Variants in BBS9 observed in about 807,000 individuals in gnomAD.
The protein encoded by BBS9 is protein PTHB1.
Under a neutral mutation model 117.7 loss-of-function variants are expected in BBS9, and 89 were observed. That is an observed-to-expected ratio of 0.76 (90% CI 0.64 to 0.90). The LOEUF (loss-of-function observed/expected upper bound fraction) is 0.90. BBS9 is among the 40% of genes least tolerant of loss of function. The probability of loss-of-function intolerance (pLI) is 0.00; values close to 1 mark genes in which losing one functional copy is unlikely to be tolerated. For synonymous variants in BBS9, 379 were observed against 370.9 expected (o/e 1.02, Z -0.25); for missense variants, 982 against 1,042.2 (o/e 0.94, Z 0.80).
intron 21 of BBS9, among the ~76,000 whole-genome samples, chr7:33,557,337 T>C (rs1303077156): frequency 6.6e-6 from 1 of 152,200 alleles, no homozygotes; most frequent in Non-Finnish European, 1.5e-5. Context: ...AGCTAGAAGG[T>C]CATCATCATT....
At chr7:33,194,510 A>AT (rs1784638243) in intron 5 of BBS9, among the ~76,000 whole-genome samples, 1 of 152,070 alleles carries the variant, frequency 6.6e-6, no homozygotes, top group African/African-American at 2.4e-5. Context: ...ACGAAGTTAC[A>AT]TTTTTTAAAG....
chr7:33,171,485 T>C (rs1171117457), intron 4 of BBS9, among the ~76,000 whole-genome samples: 1 of 152,248 alleles, frequency 6.6e-6, no homozygotes, highest in Non-Finnish European at 1.5e-5. Flanking sequence ...TAATTACATA[T>C]ATCAACTAAA....
chr7:33,151,850 CTTTTTT>C (rs11346140), intron 2 of BBS9, among the ~76,000 whole-genome samples: 5 of 82,352 alleles, frequency 6.1e-5, no homozygotes, highest in African/African-American at 9.0e-5. Flanking sequence ...TGCACCCAGC[CTTTTTT>C]TTTTTTTTTT....
intron 9 of BBS9, among the ~76,000 whole-genome samples, chr7:33,326,205 A>G (rs950392011): frequency 6.6e-6 from 1 of 151,720 alleles, no homozygotes; most frequent in Non-Finnish European, 1.5e-5. Context: ...GCCACAAGAC[A>G]ATGTCCTTCC....
At chr7:33,138,670 T>C (rs1428474133) in intron 1 of BBS9, among the ~76,000 whole-genome samples, 1 of 151,072 alleles carries the variant, frequency 6.6e-6, no homozygotes, top group Admixed American at 6.6e-5. Context: ...GGTCTGGCTT[T>C]GTTGTCCAGG....
intron 18 of BBS9, among the ~76,000 whole-genome samples, chr7:33,386,822 G>A (rs1826120587): frequency 6.6e-6 from 1 of 151,942 alleles, no homozygotes; most frequent in Non-Finnish European, 1.5e-5. Context: ...TAATTTAAAT[G>A]AGATGGGTTA....
At chr7:33,264,711 T>G (rs1798526089) in intron 7 of BBS9, among the ~76,000 whole-genome samples, 1 of 152,176 alleles carries the variant, frequency 6.6e-6, no homozygotes, top group Non-Finnish European at 1.5e-5. Context: ...TTGTTTGAAG[T>G]GTCTTTTTTC....
intron 21 of BBS9, among the ~76,000 whole-genome samples, chr7:33,624,503 T>C (rs1865550841): frequency 6.6e-6 from 1 of 152,226 alleles, no homozygotes; most frequent in African/African-American, 2.4e-5. Context: ...TCTCCTCTTT[T>C]ACTTTCTAAT....
At chr7:33,192,016 C>T (rs1414504912) in intron 5 of BBS9, among the ~76,000 whole-genome samples, 4 of 150,974 alleles carry the variant, frequency 2.6e-5, no homozygotes, top group Admixed American at 6.6e-5. Context: ...TATATGTGGA[C>T]AGTAGAATAT....
At chr7:33,254,903 T>C (rs2128308074) in intron 5 of BBS9, among the ~76,000 whole-genome samples, 1 of 152,322 alleles carries the variant, frequency 6.6e-6, no homozygotes, top group South Asian at 2.1e-4. Context: ...ATTTCCCTGA[T>C]AATTAGCAAT....
Position 33,182,086 on chromosome 7 carries a change from C to CAAACAAAACA in BBS9, c.442+4514_442+4523dup, listed in dbSNP as rs147523817. 4.6e-5 allele frequency among the ~76,000 whole-genome samples: 7 copies of CAAACAAAACA among 151,838 alleles called. No individual in the cohort carries two copies. The South Asian group carries it at 1.5e-3, about 32-fold the overall frequency. ...TGGGTGACAGAGCGAGACTCCGTCT[C>CAAACAAAACA]AAACAAAACAAAACAAAACAAAACA... is the stretch of plus-strand genomic sequence containing the variant. On this transcript the variant is annotated intron_variant, in intron 5 of 22. Transcript: ENST00000242067.
At chr7:33,473,938 T>C (rs1841446839) in intron 19 of BBS9, among the ~76,000 whole-genome samples, 1 of 152,244 alleles carries the variant, frequency 6.6e-6, no homozygotes, top group Non-Finnish European at 1.5e-5. Flanking sequence ...TGATGTTGCA[T>C]TGTATACTAC....
At chr7:33,157,816 T>A (rs1794312996) in intron 4 of BBS9, 1 of 151,304 alleles carries the variant, frequency 6.6e-6, no homozygotes, top group Non-Finnish European at 1.5e-5. Flanking sequence ...TGCTAACTTC[T>A]TTTTGGTGGG....
At chr7:33,457,809 A>G (rs1838860760) in intron 19 of BBS9, among the ~76,000 whole-genome samples, 1 of 152,206 alleles carries the variant, frequency 6.6e-6, no homozygotes, top group Non-Finnish European at 1.5e-5. Context: ...GTTTAAAAAT[A>G]CAACTTAACT....
intron 21 of BBS9, among the ~76,000 whole-genome samples, chr7:33,598,043 A>G (rs1275636024): frequency 6.6e-6 from 1 of 151,996 alleles, no homozygotes; most frequent in Non-Finnish European, 1.5e-5. Context: ...CGGGTCCTAC[A>G]GCTAGGTGCA....
intron 19 of BBS9, among the ~76,000 whole-genome samples, chr7:33,410,403 T>A (rs1830899363): frequency 6.6e-6 from 1 of 152,144 alleles, no homozygotes; most frequent in Non-Finnish European, 1.5e-5. Flanking sequence ...TCCCTACTCA[T>A]TTGCCTAAAA....
At chr7:33,344,282 G>A (rs1817179342) in intron 11 of BBS9, among the ~76,000 whole-genome samples, 2 of 151,116 alleles carry the variant, frequency 1.3e-5, no homozygotes, top group Admixed American at 1.3e-4. Flanking sequence ...GGGGTTTCAC[G>A]GTGGTCTCGA....
At chr7:33,159,548 C>T (rs886111004) in intron 4 of BBS9, among the ~76,000 whole-genome samples, 1 of 152,206 alleles carries the variant, frequency 6.6e-6, no homozygotes, top group African/African-American at 2.4e-5. Flanking sequence ...CAGTCCAAAA[C>T]AATGGCCTTC....
intron 5 of BBS9, among the ~76,000 whole-genome samples, chr7:33,195,855 CAG>C (rs1443036298): frequency 2.0e-5 from 3 of 152,008 alleles, no homozygotes; most frequent in East Asian, 1.9e-4. Flanking sequence ...AATTTAATGT[CAG>C]AGTCTAGATA....
Sources: gnomAD v4.1 joint callset for allele counts (sites outside exome capture counted in the v4.1 genomes callset) on GRCh38, gnomAD v4.1.1 for gene constraint, MANE v1.5 for transcripts, NCBI Gene and HGNC (gene_info 2026-07-23, HGNC 2026-07-21) for gene names.